Variants in CAST observed in about 807,000 individuals in gnomAD.
The protein encoded by CAST is calpastatin.
In CAST, 76 loss-of-function variants were observed where a neutral mutation model predicts 119.6. The ratio of observed to expected loss-of-function variants is 0.64; its 90% CI spans 0.53 to 0.77. The LOEUF (loss-of-function observed/expected upper bound fraction) is 0.77, where lower values mean the gene tolerates loss of function less well. Among genes scored for constraint, CAST ranks in the 30% least tolerant of loss-of-function variants. The probability of loss-of-function intolerance (pLI) is 0.00; values close to 1 mark genes in which losing one functional copy is unlikely to be tolerated. For synonymous variants in CAST, 319 were observed against 331.6 expected (o/e 0.96, Z 0.41); for missense variants, 953 against 946.5 (o/e 1.01, Z -0.09).
At position 96,719,849 on chromosome 5, in the gene CAST, G is replaced by C. The variant is rs188139700; in HGVS notation, c.211-2790G>C. Among the ~76,000 whole-genome samples, 409 of 152,210 alleles carry C rather than the reference G, an allele frequency of 2.7e-3. 1 individual carries two copies. The highest frequency in any genetic ancestry group is 9.6e-3 in the African/African-American group (399 of 41,534). ...GGCGTACACAGCTCGGAGGGTCCTC[G>C]TGCAGAGAGTGCTCCTTTCCAGCCT... On this transcript the variant is annotated intron_variant, in intron 3 of 31. Transcript: ENST00000675179.
chr5:96,045,667 A>G, the CAST span, among the ~76,000 whole-genome samples: 14 of 152,166 alleles, frequency 9.2e-5, no homozygotes, highest in African/African-American at 2.9e-4. Flanking sequence ...TTGCAACCCT[A>G]TGAGGCAGAT....
At chr5:96,352,955 T>G in the CAST span, among the ~76,000 whole-genome samples, 1 of 152,180 alleles carries the variant, frequency 6.6e-6, no homozygotes. Flanking sequence ...TCTCTAGTCA[T>G]GCAGAACTGT....
At chr5:96,021,166 G>GT in the CAST span, among the ~76,000 whole-genome samples, 5 of 152,102 alleles carry the variant, frequency 3.3e-5, no homozygotes, top group African/African-American at 1.2e-4. Flanking sequence ...ATGTGATATT[G>GT]TTTAGTTAAG....
chr5:96,101,373 T>C, the CAST span, among the ~76,000 whole-genome samples: 3 of 152,242 alleles, frequency 2.0e-5, no homozygotes, highest in Admixed American at 2.0e-4. Flanking sequence ...ATGTGAGATA[T>C]GTAGAAAGTG....
At chr5:96,105,516 T>C in the CAST span, among the ~76,000 whole-genome samples, 1 of 152,238 alleles carries the variant, frequency 6.6e-6, no homozygotes, top group Non-Finnish European at 1.5e-5. Flanking sequence ...TCTTTGGTTC[T>C]GTTTATATGC....
the CAST span, among the ~76,000 whole-genome samples, chr5:96,320,067 C>T: frequency 6.6e-6 from 1 of 151,608 alleles, no homozygotes; most frequent in Non-Finnish European, 1.5e-5. Flanking sequence ...CCTGTGTCGC[C>T]CTGCTGAAAA....
At chr5:96,641,284 A>G (rs1747946723) in intron 1 of CAST, among the ~76,000 whole-genome samples, 1 of 152,142 alleles carries the variant, frequency 6.6e-6, no homozygotes, top group Non-Finnish European at 1.5e-5. Context: ...AATAATAAAA[A>G]TTACCTCTCT....
the CAST span, among the ~76,000 whole-genome samples, chr5:96,449,719 C>T: frequency 4.6e-5 from 7 of 152,194 alleles, no homozygotes; most frequent in East Asian, 1.9e-4. Context: ...TGTTCAAATG[C>T]GTTATGTAAT....
chr5:96,522,349 C>G (rs1362472353), upstream of CAST, among the ~76,000 whole-genome samples: 1 of 152,068 alleles, frequency 6.6e-6, no homozygotes, highest in African/African-American at 2.4e-5. Flanking sequence ...TTTCCCACTT[C>G]TAGTAGAATC....
chr5:96,659,031 C>A (rs573118547), upstream of CAST, among the ~76,000 whole-genome samples: 1 of 152,220 alleles, frequency 6.6e-6, no homozygotes, highest in Admixed American at 6.5e-5. Context: ...CAAATCGATT[C>A]CTAGGTAGAA....
chr5:96,416,469 C>G, the CAST span, among the ~76,000 whole-genome samples: 1 of 152,206 alleles, frequency 6.6e-6, no homozygotes, highest in Admixed American at 6.5e-5. Flanking sequence ...ACTATTGATA[C>G]TATTATAAGA....
intron 2 of CAST, among the ~76,000 whole-genome samples, chr5:96,689,837 G>C (rs1334418774): frequency 6.6e-6 from 1 of 152,006 alleles, no homozygotes; most frequent in Non-Finnish European, 1.5e-5. Context: ...TCATTTTTTT[G>C]TTATTCACTT....
intron 26 of CAST, 59 bp from the exon 27 acceptor site, chr5:96,765,994 G>GT: frequency 1.1e-6 from 1 of 949,038 alleles, no homozygotes; most frequent in East Asian, 2.4e-5. Context: ...ATTTGACAAT[G>GT]TATTTTCTAA....
chr5:95,976,412 G>A, the CAST span, among the ~76,000 whole-genome samples: 4 of 151,958 alleles, frequency 2.6e-5, no homozygotes, highest in African/African-American at 4.8e-5. Flanking sequence ...TCTGCAGTTT[G>A]CGGAATTATA....
At chr5:96,431,710 C>T in the CAST span, among the ~76,000 whole-genome samples, 1 of 152,178 alleles carries the variant, frequency 6.6e-6, no homozygotes, top group Non-Finnish European at 1.5e-5. Context: ...CTAGCAAGAG[C>T]AGGCGAATTC....
Position 96,766,125 on chromosome 5 carries a change from C to G in CAST, c.2110C>G (p.Leu704Val). ...CACTATCCCACCTGAATACAGACAT[C>G]TCCTGGATGATAATGGACAGGTAAA... Reference protein sequence around the residue: ...DDTIPPEYRHLLDDNGQDKPV... With the variant: ...DDTIPPEYRHVLDDNGQDKPV... Residue 704 changes from leucine (L) to valine (V), a missense_variant, in exon 27 of 32, where the codon CTC becomes GTC. Transcript: ENST00000675179. 1.2e-6 allele frequency: 2 copies of G among 1,605,690 alleles called. No individual in the cohort carries two copies. The highest frequency in any genetic ancestry group is 1.7e-6 in the Non-Finnish European group (2 of 1,173,132).
chr5:96,249,639 G>A, the CAST span, among the ~76,000 whole-genome samples: 5 of 152,166 alleles, frequency 3.3e-5, no homozygotes. Flanking sequence ...ATTTTTGAAA[G>A]AGGCCTACAA....
At chr5:96,655,969 G>C (rs76516434) in intron 1 of CAST, among the ~76,000 whole-genome samples, 6,311 of 152,310 alleles carry the variant, frequency 0.041, 176 homozygotes, top group Middle Eastern at 0.092. Context: ...AAGATAGCTG[G>C]AGCATTAAGT....
the CAST span, among the ~76,000 whole-genome samples, chr5:96,213,068 A>G: frequency 6.6e-6 from 1 of 152,134 alleles, no homozygotes; most frequent in Non-Finnish European, 1.5e-5. Context: ...ATAGTGAGCT[A>G]TGATCATGCC....
Sources: gnomAD v4.1 joint callset for allele counts (sites outside exome capture counted in the v4.1 genomes callset) on GRCh38, gnomAD v4.1.1 for gene constraint, MANE v1.5 for transcripts, NCBI Gene and HGNC (gene_info 2026-07-23, HGNC 2026-07-21) for gene names.